Variants in RGS21 observed in about 807,000 individuals in gnomAD.
RGS21 encodes regulator of G protein signaling 21, also known as regulator of G-protein signalling 21.
A neutral mutation model predicts 18.7 loss-of-function variants in RGS21; 19 were observed. The ratio of observed to expected loss-of-function variants is 1.01; its 90% CI spans 0.71 to 1.49. RGS21 has a LOEUF of 1.49. Among genes scored for constraint, RGS21 ranks in the 40% most tolerant of loss-of-function variants. The pLI is 0.00. For synonymous variants in RGS21, 56 were observed against 57.8 expected (o/e 0.97, Z 0.14); for missense variants, 194 against 176.8 (o/e 1.10, Z -0.55).
Position 192,366,549 on chromosome 1 carries a change from A to C in RGS21, c.*425A>C, listed in dbSNP as rs1659262065. The C allele has an allele frequency of 6.5e-6, 1 of 153,036 alleles. No homozygotes were observed. Among genetic ancestry groups the C allele is most frequent in the Admixed American group, 6.5e-5 (1 of 15,282 alleles). The allele number at this position is 153,036 out of a possible 1,614,324, so 9.5% of individuals were successfully genotyped here. A position where few individuals can be genotyped will look rare whatever the true frequency, so the allele number is the denominator to read the frequency against. On this transcript the variant is annotated 3_prime_UTR_variant, in exon 5 of 5. Transcript: ENST00000417209. ...TGAACCAAAATACAAGCTTTCATTT[A>C]ATATATTTAACTGTTTTTTTTCTGC...
At chr1:192,351,837 T>TTA (rs990819411) in intron 3 of RGS21, among the ~76,000 whole-genome samples, 1 of 148,702 alleles carries the variant, frequency 6.7e-6, no homozygotes, top group Non-Finnish European at 1.5e-5. Context: ...GTTATATATG[T>TTA]TATATATATG....
Position 192,347,339 on chromosome 1 carries a change from C to T in RGS21, c.38C>T (p.Ala13Val), listed in dbSNP as rs201057655. The T allele has an allele frequency of 6.3e-5, 101 of 1,607,336 alleles. 1 individual carries two copies. Among genetic ancestry groups the T allele is most frequent in the Admixed American group, 4.2e-4 (25 of 59,948 alleles). The change falls in exon 3 of 5, where the codon GCG (alanine) becomes GTG (valine). Residue 13 changes from alanine to valine, a missense_variant. Physicochemically the swap from Ala to Val is moderately conservative, Grantham distance 64. Coordinates refer to ENST00000417209, the MANE Select transcript of RGS21 (RefSeq NM_001039152.3). ...VKCCFYRSPT[A>V]ETMTWSENMD... ...TGCTGTTTCTACAGGTCACCAACTG[C>T]GGAAACAATGACATGGTCTGAAAAT...
rs557533871 is a variant in RGS21, at chr1:192,358,122, A to G, written c.255+5909A>G. Among the ~76,000 whole-genome samples the G allele has an allele frequency of 7.2e-5, 11 of 152,090 alleles. No individual in the cohort carries two copies. The East Asian group carries it at 1.4e-3, about 19-fold the overall frequency. ...AGCCATCCGTACACGTTATGATTTC[A>G]TATGTGTCATCTCCTTTATCACCAC... is the stretch of plus-strand genomic sequence containing the variant. On this transcript the variant is annotated intron_variant, in intron 4 of 4. Coordinates refer to ENST00000417209, the MANE Select transcript of RGS21 (RefSeq NM_001039152.3).
intron 2 of RGS21, among the ~76,000 whole-genome samples, chr1:192,346,317 C>A (rs1176896672): frequency 6.6e-6 from 1 of 152,058 alleles, no homozygotes; most frequent in African/African-American, 2.4e-5. Context: ...GGAATCACTT[C>A]ACACTAGTAT....
intron 1 of RGS21, among the ~76,000 whole-genome samples, chr1:192,335,237 TTAAAC>T (rs1197008332): frequency 6.6e-6 from 1 of 152,168 alleles, no homozygotes; most frequent in African/African-American, 2.4e-5. Context: ...TCTCCACCAC[TTAAAC>T]TAAGTAACTT....
At chr1:192,327,709 G>A (rs1378121073) in intron 1 of RGS21, among the ~76,000 whole-genome samples, 1 of 152,064 alleles carries the variant, frequency 6.6e-6, no homozygotes, top group Non-Finnish European at 1.5e-5. Flanking sequence ...CTGACCTCAC[G>A]TGATCCACCC....
intron 1 of RGS21, among the ~76,000 whole-genome samples, chr1:192,331,407 C>T (rs947552747): frequency 2.6e-5 from 4 of 151,822 alleles, no homozygotes; most frequent in Non-Finnish European, 5.9e-5. Context: ...AAAAAATTAG[C>T]GTGGTGGCAG....
chr1:192,362,143 G>T (rs1659195221), intron 4 of RGS21, among the ~76,000 whole-genome samples: 2 of 152,056 alleles, frequency 1.3e-5, no homozygotes, highest in Non-Finnish European at 2.9e-5. Flanking sequence ...TAAAGTCAGG[G>T]TGTGAAGAAT....
At chr1:192,359,749 T>C (rs1659161829) in intron 4 of RGS21, among the ~76,000 whole-genome samples, 1 of 142,446 alleles carries the variant, frequency 7.0e-6, no homozygotes, top group Non-Finnish European at 1.5e-5. Context: ...GACAGTTATA[T>C]ATAACTCTAT....
At chr1:192,341,209 T>G (rs1242711321) in intron 1 of RGS21, among the ~76,000 whole-genome samples, 1 of 152,006 alleles carries the variant, frequency 6.6e-6, no homozygotes, top group East Asian at 1.9e-4. Flanking sequence ...CTTTCTCCCC[T>G]CTTAAAAGGT....
chr1:192,323,602 TAGA>T lies in RGS21; in HGVS notation c.-61+6500_-61+6502del, dbSNP rs1480074334. On this transcript the variant is annotated intron_variant, in intron 1 of 4. Coordinates refer to ENST00000417209, the MANE Select transcript of RGS21 (RefSeq NM_001039152.3). The stretch of plus-strand genomic sequence containing the variant: ...AAAAATTGACTGGGAAAAAAAGTTA[TAGA>T]AGGAGACATGTGGATAGAGGGCAAA... Among the ~76,000 whole-genome samples, 3 of 152,052 alleles carry T rather than the reference TAGA, an allele frequency of 2.0e-5. No individual in the cohort carries two copies. In the East Asian group the frequency reaches 5.8e-4, roughly 29 times the overall value.
intron 4 of RGS21, among the ~76,000 whole-genome samples, chr1:192,352,599 T>C (rs1466401855): frequency 6.6e-6 from 1 of 152,090 alleles, no homozygotes; most frequent in African/African-American, 2.4e-5. Flanking sequence ...AAAGTCAATA[T>C]GGATAGCATT....
At chr1:192,365,849 A>G in intron 4 of RGS21, 72 bp from the exon 5 acceptor site, 1 of 795,928 alleles carries the variant, frequency 1.3e-6, no homozygotes, top group Non-Finnish European at 2.0e-6. Flanking sequence ...AGAATTTTAA[A>G]TAATATATAT....
intron 1 of RGS21, among the ~76,000 whole-genome samples, chr1:192,328,745 A>G (rs962318639): frequency 1.3e-5 from 2 of 152,146 alleles, no homozygotes; most frequent in African/African-American, 4.8e-5. Context: ...TGTATAAAAT[A>G]TGTGTACACT....
intron 1 of RGS21, among the ~76,000 whole-genome samples, chr1:192,334,027 C>T (rs983417821): frequency 6.6e-6 from 1 of 152,110 alleles, no homozygotes; most frequent in Middle Eastern, 3.4e-3. Flanking sequence ...ATTATTAATC[C>T]TTTGGAAAAA....
At chr1:192,321,568 A>C (rs1658498383) in intron 1 of RGS21, among the ~76,000 whole-genome samples, 1 of 152,060 alleles carries the variant, frequency 6.6e-6, no homozygotes, top group Non-Finnish European at 1.5e-5. Flanking sequence ...TAAATAAATT[A>C]AAAAGTTATT....
chr1:192,343,951 C>G (rs1658910188), intron 2 of RGS21, among the ~76,000 whole-genome samples: 1 of 152,038 alleles, frequency 6.6e-6, no homozygotes, highest in Non-Finnish European at 1.5e-5. Flanking sequence ...ATCAACCATC[C>G]TCTTTTTTCT....
At chr1:192,335,574 AC>A (rs1658755607) in intron 1 of RGS21, among the ~76,000 whole-genome samples, 1 of 152,230 alleles carries the variant, frequency 6.6e-6, no homozygotes. Context: ...TGTGAGATGT[AC>A]AAGACTGTGT....
At chr1:192,320,087 GA>G (rs1185493496) in intron 1 of RGS21, among the ~76,000 whole-genome samples, 1 of 152,026 alleles carries the variant, frequency 6.6e-6, no homozygotes, top group African/African-American at 2.4e-5. Context: ...AATACCAGAT[GA>G]AAGACATTAA....
Sources: allele counts gnomAD v4.1 joint callset (sites outside exome capture counted in the v4.1 genomes callset), GRCh38; gene constraint gnomAD v4.1.1; transcripts MANE v1.5; gene names NCBI Gene and HGNC (gene_info 2026-07-23, HGNC 2026-07-21).